LRP1B: variants seen among roughly 807,000 people sequenced by gnomAD.
The protein encoded by LRP1B is LDL receptor related protein 1B, also known as low-density lipoprotein receptor-related protein 1B.
LRP1B carries 217 observed loss-of-function variants against 556.6 expected under a neutral mutation model. The observed-to-expected ratio is 0.39, with a 90% CI of 0.35 to 0.44. The LOEUF is 0.44. Ranked by LOEUF, LRP1B falls within the 20% of genes least tolerant of loss-of-function variation. The probability of loss-of-function intolerance (pLI) is 1.00; values close to 1 mark genes in which losing one functional copy is unlikely to be tolerated. For missense variants in LRP1B, 5,053 were observed against 5,620.8 expected (o/e 0.90, Z 3.23); for synonymous variants, 2,047 against 1,865.8 (o/e 1.10, Z -2.50).
At chr2:141,623,785 G>A (rs988448278) in intron 2 of LRP1B, among the ~76,000 whole-genome samples, 3 of 151,856 alleles carry the variant, frequency 2.0e-5, no homozygotes, top group Non-Finnish European at 2.9e-5. Context: ...GGGAAGCCGA[G>A]ATGGGTGGAT....
At chr2:140,452,473 A>G (rs1229020682) in intron 62 of LRP1B, among the ~76,000 whole-genome samples, 1 of 152,136 alleles carries the variant, frequency 6.6e-6, no homozygotes, top group Non-Finnish European at 1.5e-5. Context: ...TAGAAGTTCA[A>G]TGAAAAGCAT....
At chr2:140,552,659 A>T (rs1267429255) in intron 43 of LRP1B, among the ~76,000 whole-genome samples, 1 of 152,190 alleles carries the variant, frequency 6.6e-6, no homozygotes, top group African/African-American at 2.4e-5. Flanking sequence ...TGTAGAGCGC[A>T]GAAGCCTTGT....
chr2:142,107,415 C>A (rs537455295), intron 1 of LRP1B, among the ~76,000 whole-genome samples: 1 of 152,218 alleles, frequency 6.6e-6, no homozygotes, highest in South Asian at 2.1e-4. Flanking sequence ...TGTCCTTTTT[C>A]TTTTGCACCT....
chr2:140,493,487 T>C, intron 56 of LRP1B, among the ~76,000 whole-genome samples: 1 of 152,172 alleles, frequency 6.6e-6, no homozygotes, highest in East Asian at 1.9e-4. Context: ...TATTTAAATA[T>C]GTATCTGGAT....
At chr2:141,110,287 A>C (rs1700717369) in intron 7 of LRP1B, among the ~76,000 whole-genome samples, 2 of 149,814 alleles carry the variant, frequency 1.3e-5, no homozygotes, top group Admixed American at 6.7e-5. Flanking sequence ...TATCCATAGA[A>C]TATTCACAAA....
chr2:140,892,873 TA>T (rs1300541718), intron 23 of LRP1B, among the ~76,000 whole-genome samples: 2 of 152,050 alleles, frequency 1.3e-5, no homozygotes, highest in African/African-American at 2.4e-5. Flanking sequence ...CAGTGCTGAC[TA>T]AAAAAGGTAA....
intron 7 of LRP1B, among the ~76,000 whole-genome samples, chr2:141,163,676 G>C (rs1013146052): frequency 2.0e-5 from 3 of 151,936 alleles, no homozygotes; most frequent in African/African-American, 7.2e-5. Context: ...TTTTATAAAG[G>C]GTTTCCCCTT....
intron 3 of LRP1B, among the ~76,000 whole-genome samples, chr2:141,280,836 G>T (rs543526736): frequency 6.6e-6 from 1 of 151,966 alleles, no homozygotes; most frequent in Admixed American, 6.6e-5. Flanking sequence ...TTCATAGTAG[G>T]CATTATAAAG....
At chr2:141,969,128 G>A (rs1701651614) in intron 1 of LRP1B, among the ~76,000 whole-genome samples, 1 of 149,936 alleles carries the variant, frequency 6.7e-6, no homozygotes, top group South Asian at 2.1e-4. Context: ...TTTTTTTAAA[G>A]CTATACATTG....
chr2:140,398,918 TC>T (rs1284321700), intron 66 of LRP1B, among the ~76,000 whole-genome samples: 2 of 152,056 alleles, frequency 1.3e-5, no homozygotes, highest in African/African-American at 4.8e-5. Context: ...GGCATTAGGG[TC>T]AGAATTACAT....
At chr2:141,757,322 A>T (rs1694359049) in intron 2 of LRP1B, among the ~76,000 whole-genome samples, 1 of 152,122 alleles carries the variant, frequency 6.6e-6, no homozygotes, top group Admixed American at 6.6e-5. Flanking sequence ...TGGTTCCCTT[A>T]TTAGTACCAT....
chr2:140,683,102 C>T (rs1048425901), intron 41 of LRP1B, among the ~76,000 whole-genome samples: 4 of 152,058 alleles, frequency 2.6e-5, no homozygotes, highest in South Asian at 4.1e-4. Flanking sequence ...AAAGTAATTG[C>T]GGGCTTTGAC....
At chr2:140,909,454 T>C (rs1209471272) in intron 21 of LRP1B, among the ~76,000 whole-genome samples, 4 of 151,772 alleles carry the variant, frequency 2.6e-5, no homozygotes, top group Admixed American at 2.6e-4. Flanking sequence ...TTATGTCAAA[T>C]AAAATATAAT....
chr2:141,005,575 T>C (rs1257695355), intron 14 of LRP1B, 118 bp from the exon 15 acceptor site: 4 of 776,886 alleles, frequency 5.1e-6, no homozygotes, highest in Non-Finnish European at 7.4e-6. Flanking sequence ...TATTTAGTAA[T>C]ATAGTGAAGA....
intron 2 of LRP1B, among the ~76,000 whole-genome samples, chr2:141,590,623 A>C (rs1687302151): frequency 6.6e-6 from 1 of 152,154 alleles, no homozygotes; most frequent in Non-Finnish European, 1.5e-5. Flanking sequence ...CGCACTCATC[A>C]GAAAGATTTT....
chr2:141,724,053 G>C (rs898717037), intron 2 of LRP1B, among the ~76,000 whole-genome samples: 2 of 151,832 alleles, frequency 1.3e-5, no homozygotes, highest in African/African-American at 4.8e-5. Flanking sequence ...GATAAGACCT[G>C]TACCAGATAA....
chr2:141,927,933 G>GAAAAA (rs796539501), intron 1 of LRP1B, among the ~76,000 whole-genome samples: 3 of 126,950 alleles, frequency 2.4e-5, no homozygotes, highest in African/African-American at 8.8e-5. Context: ...AAGAAAGAAA[G>GAAAAA]AAAAAAAAAA....
At chr2:141,988,217 G>A (rs1447418010) in intron 1 of LRP1B, among the ~76,000 whole-genome samples, 2 of 151,814 alleles carry the variant, frequency 1.3e-5, no homozygotes, top group Non-Finnish European at 2.9e-5. Context: ...GTCTTAAAAT[G>A]TAAGGTGAAT....
At chr2:141,045,739 C>T (rs923440586) in intron 11 of LRP1B, among the ~76,000 whole-genome samples, 2 of 152,034 alleles carry the variant, frequency 1.3e-5, no homozygotes, top group African/African-American at 4.8e-5. Context: ...AGAACAGCAC[C>T]TGGCCCCGAT....
Sources: allele counts gnomAD v4.1 joint callset (sites outside exome capture counted in the v4.1 genomes callset), GRCh38; gene constraint gnomAD v4.1.1; transcripts MANE v1.5; gene names NCBI Gene and HGNC (gene_info 2026-07-23, HGNC 2026-07-21).